CCDC126: variants seen among roughly 807,000 people sequenced by gnomAD.
CCDC126 encodes the protein coiled-coil domain-containing protein 126.
Under a neutral mutation model 11.7 loss-of-function variants are expected in CCDC126, and 5 were observed. That is an observed-to-expected ratio of 0.43 (90% CI 0.22 to 0.90). CCDC126 has a LOEUF of 0.90. Among genes scored for constraint, CCDC126 ranks in the 40% least tolerant of loss-of-function variants. CCDC126 has a pLI of 0.27. For synonymous variants in CCDC126, 60 were observed against 61.9 expected (o/e 0.97, Z 0.14); for missense variants, 150 against 163.1 (o/e 0.92, Z 0.44).
chr7:23,615,251 C>T (rs1308153858), intron 3 of CCDC126, among the ~76,000 whole-genome samples: 3 of 152,224 alleles, frequency 2.0e-5, no homozygotes, highest in African/African-American at 4.8e-5. Flanking sequence ...TGGCTTTTTC[C>T]TTAAACCTCA....
At chr7:23,640,878 T>C (rs1783341512) in intron 3 of CCDC126, among the ~76,000 whole-genome samples, 1 of 152,206 alleles carries the variant, frequency 6.6e-6, no homozygotes, top group Admixed American at 6.5e-5. Flanking sequence ...CACATTTTGT[T>C]TATCTGTTTA....
At chr7:23,600,208 C>T (rs953419011) in intron 2 of CCDC126, among the ~76,000 whole-genome samples, 1 of 152,150 alleles carries the variant, frequency 6.6e-6, no homozygotes, top group African/African-American at 2.4e-5. Flanking sequence ...ATATTCAGTG[C>T]TATTGTCTTC....
intron 3 of CCDC126, among the ~76,000 whole-genome samples, chr7:23,617,089 C>T (rs889667260): frequency 6.6e-6 from 1 of 151,930 alleles, no homozygotes; most frequent in Non-Finnish European, 1.5e-5. Context: ...TGGCTCACCC[C>T]TGTAATCCTA....
intron 3 of CCDC126, among the ~76,000 whole-genome samples, chr7:23,636,007 C>G (rs1220995630): frequency 3.3e-5 from 5 of 151,582 alleles, no homozygotes; most frequent in Admixed American, 6.6e-5. Flanking sequence ...CTCAGCCTGC[C>G]GAGTGCCGCC....
At chr7:23,604,844 A>G (rs999330017) in intron 2 of CCDC126, among the ~76,000 whole-genome samples, 17 of 151,968 alleles carry the variant, frequency 1.1e-4, no homozygotes, top group African/African-American at 4.1e-4. Context: ...AAAAAATACA[A>G]AAAATTAGCC....
intron 3 of CCDC126, among the ~76,000 whole-genome samples, chr7:23,618,538 A>ATT (rs5741645): frequency 3.3e-5 from 4 of 119,598 alleles, no homozygotes; most frequent in African/African-American, 3.1e-5. Flanking sequence ...GATCAGCTAA[A>ATT]TTTTTTTTTT....
At chr7:23,635,023 G>A (rs868397400) in intron 3 of CCDC126, among the ~76,000 whole-genome samples, 8 of 152,116 alleles carry the variant, frequency 5.3e-5, no homozygotes, top group African/African-American at 1.9e-4. Flanking sequence ...ATTTTTGTGT[G>A]CTATGAAATA....
chr7:23,635,820 T>G (rs113939677), intron 3 of CCDC126, among the ~76,000 whole-genome samples: 2 of 152,110 alleles, frequency 1.3e-5, no homozygotes, highest in African/African-American at 4.8e-5. Context: ...TGTCAAACCT[T>G]CTAGGCTTTT....
intron 3 of CCDC126, among the ~76,000 whole-genome samples, chr7:23,631,073 G>A (rs986924912): frequency 4.6e-5 from 7 of 151,922 alleles, no homozygotes; most frequent in Admixed American, 2.0e-4. Flanking sequence ...TCTCAAATCC[G>A]TAATCTAAGC....
intron 3 of CCDC126, among the ~76,000 whole-genome samples, chr7:23,626,228 C>T (rs2128019302): frequency 6.6e-6 from 1 of 152,128 alleles, no homozygotes; most frequent in South Asian, 2.1e-4. Flanking sequence ...TTCTTTTCTC[C>T]AGATGAGTTA....
chr7:23,625,604 C>CTT lies in CCDC126; in HGVS notation c.238+14051_238+14052insTT, dbSNP rs112691211. On this transcript the variant is annotated intron_variant, in intron 3 of 3. Transcript: ENST00000307471. ...ATGAGAATGTGAATTATTTGAGTCA[C>CTT]GACAATTTTTCTGCTGGGAAATTTG... Among the ~76,000 whole-genome samples the CTT allele has an allele frequency of 1.7e-4, 25 of 149,628 alleles. 2 individuals carry two copies. The highest frequency in any genetic ancestry group is 4.2e-4 in the African/African-American group (17 of 40,716).
At chr7:23,633,427 T>C (rs750302204) in intron 3 of CCDC126, among the ~76,000 whole-genome samples, 11 of 152,148 alleles carry the variant, frequency 7.2e-5, no homozygotes, top group Non-Finnish European at 1.6e-4. Context: ...ATCATAGAAT[T>C]GATGAGGTCT....
rs558289138 is a variant in CCDC126, at chr7:23,636,223, C to T, written c.239-6708C>T. ...TGATCTCGGCTCGCTACAACCACCT[C>T]CCAGCCGCCTGCCTTGGCCCCCCAA... On this transcript the variant is annotated intron_variant, in intron 3 of 3. Transcript: ENST00000307471. Among the ~76,000 whole-genome samples the T allele has an allele frequency of 8.5e-5, 13 of 152,340 alleles. No individual in the cohort carries two copies. In the East Asian group the frequency reaches 2.5e-3, roughly 29 times the overall value.
chr7:23,611,398 T>C lies in CCDC126; in HGVS notation c.83T>C (p.Met28Thr), dbSNP rs780291489. The change falls in exon 3 of 4, where the codon ATG becomes ACG. Residue 28 changes from methionine to threonine, a missense_variant. Coordinates refer to ENST00000307471, the MANE Select transcript of CCDC126 (RefSeq NM_138771.4). ...GTATTTGGACTCATTTGGGGATTGA[T>C]GTTACTGCACTATACTTTTCAACAA... ...LLVFGLIWGLMLLHYTFQQPR... is the reference protein window; with the variant it reads ...LLVFGLIWGLTLLHYTFQQPR... The C allele has an allele frequency of 3.1e-6, 5 of 1,613,980 alleles. No individual in the cohort carries two copies. The South Asian group carries it at 5.5e-5, about 18-fold the overall frequency.
At chr7:23,629,647 A>G (rs1244989195) in intron 3 of CCDC126, among the ~76,000 whole-genome samples, 2 of 152,232 alleles carry the variant, frequency 1.3e-5, no homozygotes, top group Non-Finnish European at 2.9e-5. Flanking sequence ...ACAAAAACCA[A>G]ATGGAAATGT....
At chr7:23,622,043 T>G (rs1366853826) in intron 3 of CCDC126, among the ~76,000 whole-genome samples, 1 of 152,146 alleles carries the variant, frequency 6.6e-6, no homozygotes, top group Non-Finnish European at 1.5e-5. Flanking sequence ...TAAAATTCTC[T>G]TTTTTTGTTG....
intron 3 of CCDC126, among the ~76,000 whole-genome samples, chr7:23,628,183 ATC>A (rs1419645510): frequency 6.6e-6 from 1 of 152,216 alleles, no homozygotes. Flanking sequence ...ATCTATCCTC[ATC>A]TATGTTATGC....
intron 2 of CCDC126, among the ~76,000 whole-genome samples, chr7:23,600,978 G>A (rs911286110): frequency 1.8e-4 from 28 of 151,872 alleles, no homozygotes; most frequent in African/African-American, 6.8e-4. Context: ...TACTAGGGAG[G>A]TAGAGGTGGG....
At chr7:23,623,080 T>C (rs1267754262) in intron 3 of CCDC126, among the ~76,000 whole-genome samples, 1 of 151,344 alleles carries the variant, frequency 6.6e-6, no homozygotes, top group East Asian at 1.9e-4. Context: ...TTCAGGCGGT[T>C]CTCCTGCCTT....
Sources: allele counts gnomAD v4.1 joint callset (sites outside exome capture counted in the v4.1 genomes callset), GRCh38; gene constraint gnomAD v4.1.1; transcripts MANE v1.5; gene names NCBI Gene and HGNC (gene_info 2026-07-23, HGNC 2026-07-21).